The following GPSM1 variants were observed in gnomAD, a reference collection of about 807,000 sequenced individuals.
GPSM1 encodes G protein-signaling modulator 1.
Under a neutral mutation model 70.5 loss-of-function variants are expected in GPSM1, and 48 were observed. That is an observed-to-expected ratio of 0.68 (90% CI 0.54 to 0.87). GPSM1 has a LOEUF of 0.87. Ranked by LOEUF, GPSM1 falls within the 40% of genes least tolerant of loss-of-function variation. GPSM1 has a pLI of 0.00. For synonymous variants in GPSM1, 416 were observed against 430.1 expected, an observed-to-expected ratio of 0.97 and a Z score of 0.41; for missense variants, 981 against 972.6, an observed-to-expected ratio of 1.01 and a Z score of -0.11.
intron 12 of GPSM1, 91 bp downstream of exon 12, chr9:136,355,937 G>T: frequency 8.9e-7 from 1 of 1,120,820 alleles, no homozygotes; most frequent in Admixed American, 2.5e-5. Flanking sequence ...AGGAGTTTTC[G>T]GGGGCAGACC....
In GPSM1 at chr9:136,341,679, T is replaced by G; in HGVS notation, c.1207+686T>G. On this transcript the variant is annotated intron_variant, in intron 9 of 13. Transcript: ENST00000440944. The surrounding 1 kb of genome is among the most constrained non-coding windows in gnomAD (Gnocchi z 6.7). ...CCCCCACTCCCAAAGGTCTTGAGTT[T>G]GCCAGCCCCCGAGAAGGGATGCCTG... 1.0e-6 allele frequency: 1 copy of G among 992,582 alleles called. No individual in the cohort carries two copies. The highest frequency in any genetic ancestry group is 1.2e-6 in the Non-Finnish European group (1 of 833,780). 61.5% of individuals were successfully genotyped at this position (992,582 alleles called of 1,614,324 possible).
In GPSM1 at chr9:136,336,206, T is replaced by C. The variant is rs374728083; in HGVS notation, c.426+105T>C. The C allele has an allele frequency of 8.9e-5, 117 of 1,317,678 alleles. No individual in the cohort carries two copies. The Admixed American group carries it at 1.3e-3, about 14-fold the overall frequency. The allele number at this position is 1,317,678 out of a possible 1,614,324, so 81.6% of individuals were successfully genotyped here. On this transcript the variant is annotated intron_variant, in intron 3 of 13. Transcript: ENST00000440944. ...GACTCACCACTCATCCAGCTCCTCATGGGAGGGATGACAGGGAGGTCGGTC... is the reference window on the plus strand; with the variant it reads ...GACTCACCACTCATCCAGCTCCTCACGGGAGGGATGACAGGGAGGTCGGTC...
At chr9:136,327,984 G>C (rs1329397073) in intron 1 of GPSM1, among the ~76,000 whole-genome samples, 1 of 152,036 alleles carries the variant, frequency 6.6e-6, no homozygotes, top group African/African-American at 2.4e-5. Flanking sequence ...GGGGGTGGGG[G>C]GCCGGGGGGC....
At chr9:136,328,935 G>A (rs1325804106) in intron 1 of GPSM1, among the ~76,000 whole-genome samples, 4 of 152,206 alleles carry the variant, frequency 2.6e-5, no homozygotes, top group Admixed American at 2.6e-4. Flanking sequence ...GCTGTGAGGG[G>A]GATGGATAGC....
In GPSM1 at chr9:136,341,239, T is replaced by C; in HGVS notation, c.1207+246T>C. 6.6e-7 allele frequency: 1 copy of C among 1,507,408 alleles called. No homozygotes were observed. Among genetic ancestry groups the C allele is most frequent in the Non-Finnish European group, 8.9e-7 (1 of 1,124,478 alleles). The allele number at this position is 1,507,408 out of a possible 1,614,324, so 93.4% of individuals were successfully genotyped here. On this transcript the variant is annotated intron_variant, in intron 9 of 13. Transcript: ENST00000440944. The surrounding 1 kb of genome is among the most constrained non-coding windows in gnomAD (Gnocchi z 6.7). ...GGATGAAGGACAGGAGGTGGTCGCC[T>C]GTTGCCCCACTGGCTGCTCCAGGGC...
chr9:136,336,881 G>T (rs1445440943), intron 3 of GPSM1, 40 bp from the exon 4 acceptor site: 1 of 1,532,118 alleles, frequency 6.5e-7, no homozygotes, highest in East Asian at 2.5e-5. Flanking sequence ...CGTGTGGGGG[G>T]CCGTGGAGGC....
intron 1 of GPSM1, 49 bp from the exon 2 acceptor site, chr9:136,334,397 CG>C: frequency 1.4e-6 from 2 of 1,454,634 alleles, no homozygotes. Context: ...GCTCCGGCCC[CG>C]GGGCGACTTT....
chr9:136,336,372 C>T (rs1218905002), intron 3 of GPSM1, among the ~76,000 whole-genome samples: 1 of 152,220 alleles, frequency 6.6e-6, no homozygotes, highest in Admixed American at 6.5e-5. Flanking sequence ...AATCCCTCCA[C>T]ACCCCCAGTC....
At chr9:136,334,696 T>A in intron 2 of GPSM1, 28 bp downstream of exon 2, 6 of 1,572,906 alleles carry the variant, frequency 3.8e-6, no homozygotes, top group Non-Finnish European at 5.2e-6. Flanking sequence ...TGCTGGCGGG[T>A]GAGTGGGGCG....
chr9:136,330,588 G>A (rs1332940558), intron 1 of GPSM1, among the ~76,000 whole-genome samples: 5 of 152,196 alleles, frequency 3.3e-5, no homozygotes, highest in South Asian at 2.1e-4. Flanking sequence ...AAGGGGAGTC[G>A]GTGTGGTTTT....
chr9:136,334,389 T>G (rs370092012), intron 1 of GPSM1, 58 bp from the exon 2 acceptor site: 32 of 1,348,520 alleles, frequency 2.4e-5, no homozygotes, highest in East Asian at 7.1e-5. Context: ...ACGGAGGTGC[T>G]CCGGCCCCGG....
At chr9:136,348,384 CGGGGGAGGCCCTGTGTGCGGCAG>C (rs1239585840) in intron 9 of GPSM1, among the ~76,000 whole-genome samples, 1 of 152,188 alleles carries the variant, frequency 6.6e-6, no homozygotes, top group Admixed American at 6.5e-5. Context: ...GCAGGACTGA[CGGGGGAGGCCCTGTGTGCGGCAG>C]GGGAGAGGCC....
At chr9:136,331,939 A>G (rs1554768556) in intron 1 of GPSM1, 1 of 397,692 alleles carries the variant, frequency 2.5e-6, no homozygotes, top group Non-Finnish European at 4.4e-6. Flanking sequence ...AGGCCAGCCC[A>G]CCCCCCAGGA....
At chr9:136,335,921 C>A (rs782411127) in intron 2 of GPSM1, 45 bp from the exon 3 acceptor site, 4 of 1,598,514 alleles carry the variant, frequency 2.5e-6, no homozygotes, top group Middle Eastern at 1.7e-4. Flanking sequence ...GCCCAGAGGC[C>A]TGACCAGTCC....
Position 136,359,224 on chromosome 9 carries a change from G to T in GPSM1, c.*1004G>T, listed in dbSNP as rs550284469. 6.6e-6 allele frequency: 1 copy of T among 152,504 alleles called. No individual in the cohort carries two copies. Among genetic ancestry groups the T allele is most frequent in the African/African-American group, 2.4e-5 (1 of 41,562 alleles). 9.4% of individuals were successfully genotyped at this position (152,504 alleles called of 1,614,324 possible). On this transcript the variant is annotated 3_prime_UTR_variant, in exon 14 of 14. Transcript: ENST00000440944. ...GCTGGAGCCTGAGATGGGCCCCAGG[G>T]GCCTGAGGTTGCCTCCTCCTGTCCA...
intron 9 of GPSM1, among the ~76,000 whole-genome samples, chr9:136,344,971 A>G (rs551540573): frequency 6.6e-6 from 1 of 152,278 alleles, no homozygotes; most frequent in African/African-American, 2.4e-5. Flanking sequence ...CTGGGGCAGC[A>G]GGCAGGTGAG....
intron 4 of GPSM1, 33 bp downstream of exon 4, chr9:136,337,105 G>T: frequency 1.3e-6 from 2 of 1,523,166 alleles, no homozygotes; most frequent in Non-Finnish European, 8.8e-7. Context: ...AGGGACCGGG[G>T]CTGGCCTGTG....
chr9:136,358,394 T>A lies in GPSM1; in HGVS notation c.*174T>A. On this transcript the variant is annotated 3_prime_UTR_variant, in exon 14 of 14. Coordinates refer to ENST00000440944, the MANE Select transcript of GPSM1 (RefSeq NM_001145638.3). ...CCAAGCTGCCCGTGGTGGGAGGGCG[T>A]GCTTCCATCCCGGGCTGGCCCCCAT... 1.6e-6 allele frequency: 1 copy of A among 640,034 alleles called. No individual in the cohort carries two copies. Among genetic ancestry groups the A allele is most frequent in the Non-Finnish European group, 2.6e-6 (1 of 378,924 alleles). The allele number at this position is 640,034 out of a possible 1,614,324, so 39.6% of individuals were successfully genotyped here. A position where few individuals can be genotyped will look rare whatever the true frequency, so the allele number is the denominator to read the frequency against.
intron 12 of GPSM1, among the ~76,000 whole-genome samples, chr9:136,356,063 G>A (rs782549628): frequency 3.3e-5 from 5 of 152,150 alleles, no homozygotes; most frequent in African/African-American, 1.2e-4. Context: ...AGGCTGCAGG[G>A]GCAGTCTCAG....
Sources: gnomAD v4.1 joint callset for allele counts (sites outside exome capture counted in the v4.1 genomes callset) on GRCh38, gnomAD v4.1.1 for gene constraint, Gnocchi (gnomAD v3.1) non-coding constraint, MANE v1.5 for transcripts, NCBI Gene and HGNC (gene_info 2026-07-23, HGNC 2026-07-21) for gene names.